The following BPHL variants were observed in gnomAD, a reference collection of about 807,000 sequenced individuals.
BPHL encodes the protein serine hydrolase BPHL.
In BPHL, 27 loss-of-function variants were observed where a neutral mutation model predicts 31.2. The ratio of observed to expected loss-of-function variants is 0.87; its 90% confidence interval spans 0.64 to 1.19. The LOEUF (loss-of-function observed/expected upper bound fraction) is 1.19, where lower values mean the gene tolerates loss of function less well. Among genes scored for constraint, BPHL ranks in the 50% most tolerant of loss-of-function variants. The probability of loss-of-function intolerance (pLI) is 0.00; values close to 1 mark genes in which losing one functional copy is unlikely to be tolerated. For synonymous variants in BPHL, 150 were observed against 146.8 expected (o/e 1.02, Z -0.16); for missense variants, 356 against 375.7 (o/e 0.95, Z 0.43).
In BPHL at chr6:3,129,104, C is replaced by G. The variant is rs774202662; in HGVS notation, c.438C>G (p.Leu146=). The change falls in exon 4 of 7, where the codon CTC becomes CTG. Residue 146 remains leucine, a synonymous_variant. Transcript: ENST00000380379. ...LGWSDGGITA[L]IAAAKYPSYI... ...GGAGTGATGGGGGCATAACCGCACT[C>G]ATTGCTGCTGCAAAATATCCATCTT... The G allele has an allele frequency of 1.1e-5, 17 of 1,613,492 alleles. No homozygotes were observed. Among genetic ancestry groups the G allele is most frequent in the Non-Finnish European group, 1.4e-5 (17 of 1,179,856 alleles).
chr6:3,125,840 A>C (rs991854237), intron 2 of BPHL, among the ~76,000 whole-genome samples: 1 of 152,238 alleles, frequency 6.6e-6, no homozygotes, highest in African/African-American at 2.4e-5. Context: ...ATGATCCTGC[A>C]CCACCTTGAA....
At chr6:3,137,809 C>T (rs944286040) in intron 5 of BPHL, among the ~76,000 whole-genome samples, 2 of 152,186 alleles carry the variant, frequency 1.3e-5, no homozygotes, top group African/African-American at 2.4e-5. Context: ...TAAACCGTTT[C>T]TATTTTCTAA....
intron 1 of BPHL, among the ~76,000 whole-genome samples, chr6:3,122,248 C>G (rs371758407): frequency 1.3e-5 from 2 of 152,096 alleles, no homozygotes; most frequent in African/African-American, 4.8e-5. Flanking sequence ...CCACTGCACT[C>G]CAGCCTGGGC....
rs540784163 is a variant in BPHL at position 3,152,640 on chromosome 6, A to G, written c.*65A>G. On this transcript the variant is annotated 3_prime_UTR_variant, in exon 7 of 7. Coordinates refer to ENST00000380379, the MANE Select transcript of BPHL (RefSeq NM_004332.4). ...CTTGATCGTGTTGCTGCCTGTTAAC[A>G]TGATGCCTTTGAAACTCTCCGCCTT... 3.3e-4 allele frequency: 473 copies of G among 1,438,120 alleles called. 3 individuals carry two copies. The African/African-American group carries it at 6.2e-3, about 19-fold the overall frequency. 89.1% of individuals were successfully genotyped at this position (1,438,120 alleles called of 1,614,324 possible).
intron 6 of BPHL, among the ~76,000 whole-genome samples, chr6:3,151,606 G>A (rs1264165695): frequency 2.6e-5 from 4 of 152,120 alleles, no homozygotes; most frequent in Admixed American, 6.5e-5. Context: ...ACATGATAAC[G>A]CATTCTGCCC....
At position 3,118,750 on chromosome 6, in the gene BPHL, G is replaced by T. The variant is rs1761462654; in HGVS notation, c.10G>T (p.Val4Leu). The T allele has an allele frequency of 4.0e-6, 5 of 1,261,294 alleles. No individual in the cohort carries two copies. The allele number at this position is 1,261,294 out of a possible 1,614,324, so 78.1% of individuals were successfully genotyped here. MVAVLGGRGVLRLR... is the reference protein window; with the variant it reads MVALLGGRGVLRLR... ...TACGCGACCTGTGACCATGGTGGCT[G>T]TGCTGGGCGGCCGGGGCGTGTTGCG... Residue 4 changes from valine (V) to leucine (L), a missense_variant, in exon 1 of 7, where the codon GTG (valine) becomes TTG (leucine). Coordinates refer to ENST00000380379, the MANE Select transcript of BPHL (RefSeq NM_004332.4).
intron 2 of BPHL, among the ~76,000 whole-genome samples, chr6:3,126,097 T>G (rs1761702663): frequency 6.6e-6 from 1 of 152,248 alleles, no homozygotes; most frequent in Non-Finnish European, 1.5e-5. Context: ...ATTCAGCTTT[T>G]AGCATGGGCT....
In BPHL at chr6:3,152,671, C is replaced by G; in HGVS notation, c.*96C>G. The G allele has an allele frequency of 9.6e-7, 1 of 1,037,344 alleles. No homozygotes were observed. The highest frequency in any genetic ancestry group is 1.4e-6 in the Non-Finnish European group (1 of 693,990). The allele number at this position is 1,037,344 out of a possible 1,614,324, so 64.3% of individuals were successfully genotyped here. On this transcript the variant is annotated 3_prime_UTR_variant, in exon 7 of 7. Coordinates refer to ENST00000380379, the MANE Select transcript of BPHL (RefSeq NM_004332.4). ...CCTTTGAAACTCTCCGCCTTTGAAACTTTCTACCCCTCCCTTCAATCTTAT... is the reference window on the plus strand; with the variant it reads ...CCTTTGAAACTCTCCGCCTTTGAAAGTTTCTACCCCTCCCTTCAATCTTAT...
upstream of BPHL, chr6:3,118,408 G>C (rs535368787): frequency 4.3e-6 from 1 of 232,062 alleles, no homozygotes; most frequent in Non-Finnish European, 8.3e-6. Context: ...TGGCGGCCTC[G>C]CCTCCTGGAA....
intron 3 of BPHL, among the ~76,000 whole-genome samples, chr6:3,127,910 T>A (rs1329078200): frequency 6.6e-6 from 1 of 152,006 alleles, no homozygotes; most frequent in East Asian, 1.9e-4. Context: ...AACCTCTGCC[T>A]CCCGGGTTCA....
Position 3,140,503 on chromosome 6 carries a change from G to T in BPHL, c.782G>T (p.Gly261Val). ...HADFIHKHVK[G>V]SRLHLMPEGK... ...GACTTCATTCATAAGCACGTGAAAG[G>T]CTCACGGTAAGTCCTGTCACCGCCT... The change falls in exon 6 of 7, where the codon GGC becomes GTC. Residue 261 changes from glycine (G) to valine (V), a missense_variant. Physicochemically the swap from Gly to Val is moderately radical, Grantham distance 109. Coordinates refer to ENST00000380379, the MANE Select transcript of BPHL (RefSeq NM_004332.4). This position sits in a 1 kb window ranked among gnomAD's most constrained non-coding sequence, Gnocchi z 5.2. 3.1e-6 allele frequency: 5 copies of T among 1,613,994 alleles called. No individual in the cohort carries two copies. Among genetic ancestry groups the T allele is most frequent in the Non-Finnish European group, 4.2e-6 (5 of 1,180,006 alleles).
At chr6:3,138,018 G>A (rs1041713130) in intron 5 of BPHL, 12 of 1,277,420 alleles carry the variant, frequency 9.4e-6, no homozygotes, top group African/African-American at 7.6e-5. Context: ...ATGCACAAAT[G>A]TCTCCTATTC....
chr6:3,118,585 G>A, upstream of BPHL: 1 of 504,032 alleles, frequency 2.0e-6, no homozygotes, highest in Admixed American at 4.4e-5. Flanking sequence ...AAAGCACCCG[G>A]CAGGGCGTGG....
rs1365356290 is a variant in BPHL, at chr6:3,119,553, C to T, written c.107+706C>T. 4 of 1,612,186 alleles carry T rather than the reference C, an allele frequency of 2.5e-6. No homozygotes were observed. The Admixed American group carries it at 6.7e-5, about 27-fold the overall frequency. On this transcript the variant is annotated intron_variant, in intron 1 of 6. Transcript: ENST00000380379. ...AAAAACTGGATTAATTTCTGACCTT[C>T]TGTCTTGAAAATGGATACTCTTGGT...
At chr6:3,130,034 C>T (rs562543503) in intron 4 of BPHL, among the ~76,000 whole-genome samples, 2 of 152,170 alleles carry the variant, frequency 1.3e-5, no homozygotes, top group Non-Finnish European at 2.9e-5. Context: ...TTCGAATTCC[C>T]GACCTCAGGT....
In BPHL at chr6:3,129,106, T is replaced by TTGC. The variant is rs750994256; in HGVS notation, c.447_449dup (p.Ala150dup). On this transcript the variant is annotated inframe_insertion, in exon 4 of 7. Coordinates refer to ENST00000380379, the MANE Select transcript of BPHL (RefSeq NM_004332.4). Reference sequence around the variant, plus strand: ...AGTGATGGGGGCATAACCGCACTCATTGCTGCTGCAAAATATCCATCTTAC... The same window carrying TTGC: ...AGTGATGGGGGCATAACCGCACTCATTGCTGCTGCTGCAAAATATCCATCTTAC... 1.4e-5 allele frequency: 22 copies of TTGC among 1,613,542 alleles called. No homozygotes were observed. In the East Asian group the frequency reaches 4.9e-4, roughly 36 times the overall value.
At chr6:3,135,977 T>G (rs770964016) in intron 4 of BPHL, among the ~76,000 whole-genome samples, 1 of 152,206 alleles carries the variant, frequency 6.6e-6, no homozygotes, top group Non-Finnish European at 1.5e-5. Context: ...ACACTGCGTC[T>G]CCACCCAGAG....
chr6:3,127,234 GT>G lies in BPHL; in HGVS notation c.212-3del, dbSNP rs1431680008. ...ATCACCTGAGGGTAACCAAGTGGCT[GT>G]TTTTAGGAAGTGGAGAGACTGATTT... On this transcript the variant is annotated splice_polypyrimidine_tract_variant and splice_region_variant and intron_variant, in intron 2 of 6. Transcript: ENST00000380379. 2.0e-6 allele frequency: 3 copies of G among 1,513,296 alleles called. No individual in the cohort carries two copies. The highest frequency in any genetic ancestry group is 1.3e-5 in the South Asian group (1 of 77,504). 93.7% of individuals were successfully genotyped at this position (1,513,296 alleles called of 1,614,324 possible).
At chr6:3,150,234 G>A (rs1050194645) in intron 6 of BPHL, 2 of 152,176 alleles carry the variant, frequency 1.3e-5, no homozygotes, top group African/African-American at 4.8e-5. Context: ...CAAGGTGAAG[G>A]CACGCCACAG....
Sources: allele counts gnomAD v4.1 joint callset (sites outside exome capture counted in the v4.1 genomes callset), GRCh38; gene constraint gnomAD v4.1.1; non-coding constraint Gnocchi (gnomAD v3.1); transcripts MANE v1.5; gene names NCBI Gene and HGNC (gene_info 2026-07-23, HGNC 2026-07-21).